RNF32: variants seen among roughly 807,000 people sequenced by gnomAD.
The protein encoded by RNF32 is ring finger protein 32.
RNF32 carries 36 observed loss-of-function variants against 41.0 expected under a neutral mutation model. The observed-to-expected ratio is 0.88, with a 90% CI of 0.67 to 1.16. The LOEUF is 1.16. Among genes scored for constraint, RNF32 ranks in the 50% most tolerant of loss-of-function variants. The pLI, the probability that RNF32 is intolerant of heterozygous loss-of-function variation, is 0.00. For missense variants in RNF32, 413 were observed against 436.7 expected, an observed-to-expected ratio of 0.95 and a Z score of 0.48; for synonymous variants, 154 against 160.9, an observed-to-expected ratio of 0.96 and a Z score of 0.32.
chr7:156,658,396 A>G, intron 6 of RNF32, 66 bp from the exon 7 acceptor site: 3 of 1,515,384 alleles, frequency 2.0e-6, no homozygotes, highest in African/African-American at 1.4e-5. Flanking sequence ...GCTTATAACA[A>G]CTACTGAAGT....
At chr7:156,649,545 TTTGTG>T (rs948224173) in intron 3 of RNF32, among the ~76,000 whole-genome samples, 4 of 152,298 alleles carry the variant, frequency 2.6e-5, no homozygotes, top group South Asian at 4.1e-4. Context: ...TTATTGTTGT[TTTGTG>T]TTGTTTGTTG....
At position 156,658,512 on chromosome 7, in the gene RNF32, T is replaced by A; in HGVS notation, c.626T>A (p.Leu209Gln). ...GCVVRKWYRNLRKTVPPTDAK... is the reference protein window; with the variant it reads ...GCVVRKWYRNQRKTVPPTDAK... ...GTTGTTAGAAAGTGGTACAGAAACC[T>A]GAGGAAAACAGTACCTCCCACAGAT... The change falls in exon 7 of 9, where the codon CTG becomes CAG. Residue 209 changes from leucine (L) to glutamine (Q), a missense_variant. Leu to Gln is a moderately radical substitution (Grantham distance 113). Coordinates refer to ENST00000317955, the MANE Select transcript of RNF32 (RefSeq NM_030936.4). 6.2e-7 allele frequency: 1 copy of A among 1,613,826 alleles called. No individual in the cohort carries two copies. Among genetic ancestry groups the A allele is most frequent in the Non-Finnish European group, 8.5e-7 (1 of 1,179,802 alleles).
At chr7:156,674,373 C>G (rs1803327247) in intron 7 of RNF32, among the ~76,000 whole-genome samples, 1 of 152,228 alleles carries the variant, frequency 6.6e-6, no homozygotes. Flanking sequence ...CTGGGTGAGC[C>G]ACAGCTCTGT....
chr7:156,664,273 C>A (rs2131564890), intron 7 of RNF32, among the ~76,000 whole-genome samples: 1 of 151,938 alleles, frequency 6.6e-6, no homozygotes, highest in South Asian at 2.1e-4. Context: ...ACCAGCCTGA[C>A]CAACATGGAG....
At chr7:156,657,735 C>T in intron 5 of RNF32, 162 bp downstream of exon 5, 1 of 702,276 alleles carries the variant, frequency 1.4e-6, no homozygotes, top group Non-Finnish European at 2.5e-6. Flanking sequence ...TACAATTCAT[C>T]CTATTTTGAA....
chr7:156,658,580 G>A lies in RNF32; in HGVS notation c.684+10G>A, dbSNP rs985430457. 3.2e-6 allele frequency: 5 copies of A among 1,545,560 alleles called. No individual in the cohort carries two copies. In the African/African-American group the frequency reaches 5.4e-5, roughly 17 times the overall value. On this transcript the variant is annotated intron_variant, in intron 7 of 8. Transcript: ENST00000317955. ...ATTCTTTGAAAAAAAGGTAGGTAAA[G>A]ATCATTATGTTCTCCAGATATGGTC...
rs1802284720 is a variant in RNF32 at position 156,670,651 on chromosome 7, G to A, written c.685-5045G>A. Among the ~76,000 whole-genome samples the A allele has an allele frequency of 6.6e-6, 1 of 152,158 alleles. No individual in the cohort carries two copies. Among genetic ancestry groups the A allele is most frequent in the African/African-American group, 2.4e-5 (1 of 41,432 alleles). On this transcript the variant is annotated intron_variant, in intron 7 of 8. Transcript: ENST00000317955. The surrounding 1 kb of genome is among the most constrained non-coding windows in gnomAD (Gnocchi z 4.3). ...CGAGGACAGACGATGGCAAACCCTG[G>A]GACCTGCAGATTTCCCAGTGGGAGC...
chr7:156,658,070 A>G, intron 5 of RNF32, 58 bp from the exon 6 acceptor site: 1 of 1,527,576 alleles, frequency 6.5e-7, no homozygotes, highest in Non-Finnish European at 9.0e-7. Context: ...CATTGGAAGT[A>G]AAAACGTTGT....
upstream of RNF32, chr7:156,640,716 G>A (rs922524696): frequency 1.1e-5 from 3 of 280,922 alleles, no homozygotes; most frequent in African/African-American, 4.7e-5. Flanking sequence ...CGAGCGCGGA[G>A]GCGGGCGTTG....
rs1240066538 is a variant in RNF32, at chr7:156,677,095, A to C, written c.*440A>C. 6.4e-6 allele frequency: 1 copy of C among 156,570 alleles called. No homozygotes were observed. The highest frequency in any genetic ancestry group is 1.4e-5 in the Non-Finnish European group (1 of 70,542). 9.7% of individuals were successfully genotyped at this position (156,570 alleles called of 1,614,324 possible). ...CTGTATTTCTGTGTAATAAAATATA[A>C]AAATAAAATATTCAGTGGTATTCAA... is the stretch of plus-strand genomic sequence containing the variant. On this transcript the variant is annotated 3_prime_UTR_variant, in exon 9 of 9. Transcript: ENST00000317955.
In RNF32 at chr7:156,663,483, CAG is replaced by C. The variant is rs1243047807; in HGVS notation, c.684+4915_684+4916del. Among the ~76,000 whole-genome samples, 5 of 152,184 alleles carry C rather than the reference CAG, an allele frequency of 3.3e-5. No homozygotes were observed. The East Asian group carries it at 9.6e-4, about 29-fold the overall frequency. On this transcript the variant is annotated intron_variant, in intron 7 of 8. Coordinates refer to ENST00000317955, the MANE Select transcript of RNF32 (RefSeq NM_030936.4). ...GGAATAAAAGGCTTGAATAAAATGA[CAG>C]ACATTTTACACTGGAATGAGTAAAA...
rs1456116297 is a variant in RNF32 at position 156,676,492 on chromosome 7, G to A, written c.926G>A (p.Gly309Asp). 2.5e-6 allele frequency: 4 copies of A among 1,614,058 alleles called. No homozygotes were observed. In the South Asian group the frequency reaches 4.4e-5, roughly 18 times the overall value. Reference protein sequence around the residue: ...PLSAAGGQRVGAGRRSREMAL... With the variant: ...PLSAAGGQRVDAGRRSREMAL... ...TCCGCTGCTGGCGGTCAGCGCGTGG[G>A]TGCAGGCAGGCGTTCCAGAGAGATG... The change falls in exon 9 of 9, where the codon GGT becomes GAT. Residue 309 changes from glycine (G) to aspartate (D), a missense_variant. Gly to Asp is a moderately conservative substitution (Grantham distance 94, BLOSUM62 -1). Transcript: ENST00000317955.
rs993718876 is a variant in RNF32, at chr7:156,669,795, G to A, written c.685-5901G>A. On this transcript the variant is annotated intron_variant, in intron 7 of 8. Coordinates refer to ENST00000317955, the MANE Select transcript of RNF32 (RefSeq NM_030936.4). This position sits in a 1 kb window ranked among gnomAD's most constrained non-coding sequence, Gnocchi z 4.2. ...CGCTTCCTGGGAGCCTCTGCAGGGC[G>A]TGCCCATGGAGGGGAGGCTCAAAAT... Among the ~76,000 whole-genome samples the A allele has an allele frequency of 5.9e-5, 9 of 152,222 alleles. No homozygotes were observed. Among genetic ancestry groups the A allele is most frequent in the African/African-American group, 1.2e-4 (5 of 41,464 alleles).
chr7:156,653,185 A>C lies in RNF32; in HGVS notation c.275-1391A>C, dbSNP rs187685044. 5.9e-5 allele frequency among the ~76,000 whole-genome samples: 9 copies of C among 152,218 alleles called. No homozygotes were observed. The East Asian group carries it at 1.7e-3, about 29-fold the overall frequency. On this transcript the variant is annotated intron_variant, in intron 3 of 8. Transcript: ENST00000317955. ...ACAGGTACACCATTTTTAATCTTTTATACATATTTTTACTATACCTTTTCC... is the reference window on the plus strand; with the variant it reads ...ACAGGTACACCATTTTTAATCTTTTCTACATATTTTTACTATACCTTTTCC...
intron 7 of RNF32, among the ~76,000 whole-genome samples, chr7:156,664,909 TA>T (rs1276199464): frequency 6.6e-6 from 1 of 152,152 alleles, no homozygotes; most frequent in Non-Finnish European, 1.5e-5. Context: ...TATGTTTCAG[TA>T]AAAAAGAGAA....
chr7:156,657,867 G>A (rs1049493718), intron 5 of RNF32, among the ~76,000 whole-genome samples: 1 of 152,166 alleles, frequency 6.6e-6, no homozygotes, highest in African/African-American at 2.4e-5. Flanking sequence ...ATACACACGC[G>A]TGACTCACCT....
At chr7:156,644,778 A>G in intron 3 of RNF32, 21 bp downstream of exon 3, 1 of 1,585,384 alleles carries the variant, frequency 6.3e-7, no homozygotes, top group Non-Finnish European at 8.5e-7. Context: ...GTAGTCATTC[A>G]TCTTTTGGCT....
intron 7 of RNF32, among the ~76,000 whole-genome samples, chr7:156,674,905 A>G (rs1393377057): frequency 6.6e-6 from 1 of 152,206 alleles, no homozygotes; most frequent in African/African-American, 2.4e-5. Flanking sequence ...TCAACTTTTA[A>G]TTTCAAATGT....
intron 7 of RNF32, among the ~76,000 whole-genome samples, chr7:156,671,720 C>CG (rs1802588265): frequency 6.6e-6 from 1 of 150,868 alleles, no homozygotes; most frequent in South Asian, 2.1e-4. Flanking sequence ...TTTTTCAGCC[C>CG]GTGTCCCTCC....
Sources: allele counts gnomAD v4.1 joint callset (sites outside exome capture counted in the v4.1 genomes callset), GRCh38; gene constraint gnomAD v4.1.1; non-coding constraint Gnocchi (gnomAD v3.1); transcripts MANE v1.5; gene names NCBI Gene and HGNC (gene_info 2026-07-23, HGNC 2026-07-21).